The following SLC2A13 variants were observed in gnomAD, a reference collection of about 807,000 sequenced individuals.
SLC2A13 encodes proton myo-inositol cotransporter.
Under a neutral mutation model 64.4 loss-of-function variants are expected in SLC2A13, and 32 were observed. That is an observed-to-expected ratio of 0.50 (90% confidence interval 0.37 to 0.67). SLC2A13 has a LOEUF of 0.67. Ranked by LOEUF, SLC2A13 falls within the 30% of genes least tolerant of loss-of-function variation. The pLI is 0.00. For missense variants in SLC2A13, 743 were observed against 829.2 expected, an observed-to-expected ratio of 0.90 and a Z score of 1.28; for synonymous variants, 338 against 327.1, an observed-to-expected ratio of 1.03 and a Z score of -0.36.
chr12:39,842,750 A>G (rs1943208656), intron 6 of SLC2A13, among the ~76,000 whole-genome samples: 1 of 152,040 alleles, frequency 6.6e-6, no homozygotes, highest in Non-Finnish European at 1.5e-5. Context: ...TCATTGCTCA[A>G]GAATAAATCC....
intron 7 of SLC2A13, among the ~76,000 whole-genome samples, chr12:39,808,157 G>A (rs1026066789): frequency 1.1e-4 from 17 of 152,068 alleles, no homozygotes; most frequent in Non-Finnish European, 2.1e-4. Context: ...CTGGTCAATA[G>A]AGATTGGGTT....
intron 7 of SLC2A13, among the ~76,000 whole-genome samples, chr12:39,797,634 T>G (rs1458986690): frequency 6.6e-6 from 1 of 152,102 alleles, no homozygotes; most frequent in African/African-American, 2.4e-5. Flanking sequence ...ATGATAAATA[T>G]GAAGCAGATA....
chr12:39,929,935 A>G (rs1057449188), intron 4 of SLC2A13, among the ~76,000 whole-genome samples: 5 of 152,124 alleles, frequency 3.3e-5, no homozygotes, highest in Admixed American at 1.3e-4. Context: ...GTTCGAGACC[A>G]GCCTGGCCAA....
chr12:39,856,634 T>C (rs917747048), intron 6 of SLC2A13, among the ~76,000 whole-genome samples: 2 of 152,238 alleles, frequency 1.3e-5, no homozygotes, highest in Admixed American at 6.5e-5. Flanking sequence ...CCCAAAGTGC[T>C]GGGATTACAG....
Position 39,988,691 on chromosome 12 carries a change from GAGGAAGGAAGGAAGGAAGGAAGGA to G in SLC2A13, c.926-37350_926-37327del, listed in dbSNP as rs539712670. 1.1e-4 allele frequency among the ~76,000 whole-genome samples: 9 copies of G among 80,050 alleles called. No individual in the cohort carries two copies. In the East Asian group the frequency reaches 1.8e-3, roughly 16 times the overall value. 52.5% of individuals were successfully genotyped at this position (80,050 alleles called of 152,430 possible). A position where few individuals can be genotyped will look rare whatever the true frequency, so the allele number is the denominator to read the frequency against. On this transcript the variant is annotated intron_variant, in intron 3 of 9. Transcript: ENST00000280871. The stretch of plus-strand genomic sequence containing the variant: ...GGAGGGAGGGAAGAAGGGAGGGAGG[GAGGAAGGAAGGAAGGAAGGAAGGA>G]AGGAAGGAAGGAAGGGGGGGAGGAA...
chr12:39,802,517 G>A (rs951698214), intron 7 of SLC2A13: 1 of 152,174 alleles, frequency 6.6e-6, no homozygotes, highest in Admixed American at 6.6e-5. Flanking sequence ...GGAAGTATAA[G>A]CATAGTGTAC....
intron 2 of SLC2A13, among the ~76,000 whole-genome samples, chr12:40,041,140 C>T (rs1009971366): frequency 3.9e-5 from 6 of 151,994 alleles, no homozygotes; most frequent in Non-Finnish European, 7.4e-5. Context: ...TTAGTAGAGA[C>T]GGGGTTTCGC....
chr12:40,008,361 A>G (rs1367746631), intron 3 of SLC2A13, among the ~76,000 whole-genome samples: 1 of 152,186 alleles, frequency 6.6e-6, no homozygotes, highest in Non-Finnish European at 1.5e-5. Flanking sequence ...TAATCCCAGC[A>G]CTTTGGAAGG....
rs568879347 is a variant in SLC2A13 at position 39,973,238 on chromosome 12, A to C, written c.926-21873T>G. On this transcript the variant is annotated intron_variant, in intron 3 of 9. Coordinates refer to ENST00000280871, the MANE Select transcript of SLC2A13 (RefSeq NM_052885.4). The stretch of plus-strand genomic sequence containing the variant: ...CAGATTCAATGATCAAGTCTCTGCT[A>C]TCTCACCTAAACTAAGCGCAGCATT... 3.3e-5 allele frequency among the ~76,000 whole-genome samples: 5 copies of C among 152,324 alleles called. No individual in the cohort carries two copies. In the South Asian group the frequency reaches 8.3e-4, roughly 25 times the overall value.
At chr12:40,017,763 T>TG (rs1235780268) in intron 3 of SLC2A13, among the ~76,000 whole-genome samples, 1 of 152,094 alleles carries the variant, frequency 6.6e-6, no homozygotes. Context: ...GGCTGGGCCT[T>TG]GAAGAAGCAA....
chr12:39,790,474 G>T (rs544398087), intron 7 of SLC2A13, among the ~76,000 whole-genome samples: 3,218 of 149,468 alleles, frequency 0.022, 117 homozygotes, highest in African/African-American at 0.075. Flanking sequence ...GCGGTGTTTG[G>T]TTTTTTGTTC....
chr12:39,916,790 G>A (rs991561038), intron 4 of SLC2A13, among the ~76,000 whole-genome samples: 6 of 148,782 alleles, frequency 4.0e-5, no homozygotes, highest in East Asian at 2.0e-4. Flanking sequence ...CTTCCAAGTC[G>A]GTAGTCATTG....
At chr12:39,979,064 C>A (rs550611459) in intron 3 of SLC2A13, among the ~76,000 whole-genome samples, 2 of 151,914 alleles carry the variant, frequency 1.3e-5, no homozygotes, top group African/African-American at 2.4e-5. Context: ...CAGCGGCACA[C>A]TGACACCTCA....
At chr12:39,859,316 G>GTT (rs34195780) in intron 6 of SLC2A13, among the ~76,000 whole-genome samples, 3,688 of 94,216 alleles carry the variant, frequency 0.039, 117 homozygotes, top group African/African-American at 0.06. Context: ...AAAGCTGGCA[G>GTT]TTTTTTTTTT....
Position 39,867,827 on chromosome 12 carries a change from A to G in SLC2A13, c.1199-2945T>C, listed in dbSNP as rs1240656779. On this transcript the variant is annotated intron_variant, in intron 5 of 9. Coordinates refer to ENST00000280871, the MANE Select transcript of SLC2A13 (RefSeq NM_052885.4). ...CCCCAACCTCTGAATCAGAGTCTCC[A>G]GAAGATCAGTACAAAATATCTGAGT... Among the ~76,000 whole-genome samples the G allele has an allele frequency of 2.6e-5, 4 of 152,212 alleles. No individual in the cohort carries two copies. The East Asian group carries it at 7.7e-4, about 29-fold the overall frequency.
intron 1 of SLC2A13, among the ~76,000 whole-genome samples, chr12:40,093,463 C>G (rs978434748): frequency 2.0e-5 from 3 of 152,166 alleles, no homozygotes; most frequent in Non-Finnish European, 4.4e-5. Context: ...AAATTAAAAT[C>G]TGCCTTCATG....
At chr12:40,061,797 A>G (rs1948428458) in intron 1 of SLC2A13, among the ~76,000 whole-genome samples, 1 of 151,978 alleles carries the variant, frequency 6.6e-6, no homozygotes, top group Admixed American at 6.6e-5. Flanking sequence ...GGGGTTTTCA[A>G]ATTTGACAAT....
intron 2 of SLC2A13, among the ~76,000 whole-genome samples, chr12:40,045,851 C>G (rs1384557397): frequency 1.3e-5 from 2 of 152,178 alleles, no homozygotes; most frequent in Non-Finnish European, 2.9e-5. Context: ...TGTCCCTAGT[C>G]TTTTCCTTCT....
At chr12:39,840,259 T>G (rs556403048) in intron 6 of SLC2A13, among the ~76,000 whole-genome samples, 1 of 152,012 alleles carries the variant, frequency 6.6e-6, no homozygotes, top group Non-Finnish European at 1.5e-5. Flanking sequence ...CGCCCAGCCT[T>G]GTACTCTCCA....
Sources: allele counts gnomAD v4.1 joint callset (sites outside exome capture counted in the v4.1 genomes callset), GRCh38; gene constraint gnomAD v4.1.1; transcripts MANE v1.5; gene names NCBI Gene and HGNC (gene_info 2026-07-23, HGNC 2026-07-21).